ADAM20: variants seen among roughly 807,000 people sequenced by gnomAD.
ADAM20 encodes ADAM metallopeptidase domain 20.
For missense variants in ADAM20, 871 were observed against 883.2 expected, an observed-to-expected ratio of 0.99 and a Z score of 0.18; for synonymous variants, 305 against 310.2, an observed-to-expected ratio of 0.98 and a Z score of 0.18.
At chr14:70,530,661 A>G (rs1443326009) in intron 1 of ADAM20, among the ~76,000 whole-genome samples, 1 of 152,190 alleles carries the variant, frequency 6.6e-6, no homozygotes, top group Non-Finnish European at 1.5e-5. Context: ...ATATGAGACC[A>G]CTGTCATATA....
chr14:70,555,406 CT>C, the ADAM20 span, among the ~76,000 whole-genome samples: 1 of 152,106 alleles, frequency 6.6e-6, no homozygotes, highest in Non-Finnish European at 1.5e-5. Context: ...ACAATTTTAA[CT>C]GTCAATTTTT....
Position 70,524,877 on chromosome 14 carries a change from G to A in ADAM20, c.-120C>T. 1 of 1,612,182 alleles carries A rather than the reference G, an allele frequency of 6.2e-7. No individual in the cohort carries two copies. The highest frequency in any genetic ancestry group is 8.5e-7 in the Non-Finnish European group (1 of 1,179,564). Reference sequence around the variant, plus strand: ...GTGCATGGCTGACCTTTAGGGATCTGGGGATCTGTGTCCTGGTGGAGCTGG... The same window carrying A: ...GTGCATGGCTGACCTTTAGGGATCTAGGGATCTGTGTCCTGGTGGAGCTGG... On this transcript the variant is annotated 5_prime_UTR_variant, in exon 2 of 2. The change creates a premature stop within an existing upstream ORF in the 5' untranslated region. Transcript: ENST00000256389.
chr14:70,575,237 C>T, the ADAM20 span, among the ~76,000 whole-genome samples: 2 of 151,732 alleles, frequency 1.3e-5, no homozygotes, highest in African/African-American at 4.8e-5. Flanking sequence ...CTCGGTCACT[C>T]AGGTTGCAAT....
chr14:70,531,346 A>G (rs8011142), intron 1 of ADAM20, among the ~76,000 whole-genome samples: 1,629 of 152,246 alleles, frequency 0.011, 17 homozygotes, highest in African/African-American at 0.037. Context: ...TTCTAGGAAT[A>G]CAAGAAAATG....
chr14:70,525,438 T>A (rs1188224199), intron 1 of ADAM20, among the ~76,000 whole-genome samples: 1 of 152,032 alleles, frequency 6.6e-6, no homozygotes, highest in Admixed American at 6.6e-5. Context: ...CCCAGGCTGG[T>A]CTCAAACTCC....
the ADAM20 span, among the ~76,000 whole-genome samples, chr14:70,564,370 G>A: frequency 6.6e-6 from 1 of 152,226 alleles, no homozygotes; most frequent in Non-Finnish European, 1.5e-5. Flanking sequence ...GCCTGGGACA[G>A]TTAAATGACT....
At chr14:70,541,967 A>G in the ADAM20 span, among the ~76,000 whole-genome samples, 1 of 151,966 alleles carries the variant, frequency 6.6e-6, no homozygotes, top group Admixed American at 6.5e-5. Flanking sequence ...ACTGCTGTGA[A>G]GCTCTAACAG....
At chr14:70,534,495 G>A (rs1595024043) in intron 1 of ADAM20, among the ~76,000 whole-genome samples, 1 of 152,082 alleles carries the variant, frequency 6.6e-6, no homozygotes, top group African/African-American at 2.4e-5. Context: ...CCCAAAAAAG[G>A]AAGGAAATCC....
the ADAM20 span, among the ~76,000 whole-genome samples, chr14:70,579,228 G>A: frequency 2.0e-5 from 3 of 152,002 alleles, no homozygotes; most frequent in Non-Finnish European, 4.4e-5. Context: ...GGTCGAATGG[G>A]ACTTCTATTT....
chr14:70,572,264 G>A, the ADAM20 span, among the ~76,000 whole-genome samples: 1 of 152,044 alleles, frequency 6.6e-6, no homozygotes, highest in Non-Finnish European at 1.5e-5. Context: ...TAGATGAATG[G>A]AATAGAATAG....
upstream of ADAM20, among the ~76,000 whole-genome samples, chr14:70,539,638 T>C (rs1883905157): frequency 6.6e-6 from 1 of 152,356 alleles, no homozygotes; most frequent in South Asian, 2.1e-4. Context: ...GATTAATATC[T>C]TGCTAATCAT....
the ADAM20 span, among the ~76,000 whole-genome samples, chr14:70,569,076 C>A: frequency 1.3e-5 from 2 of 152,112 alleles, no homozygotes; most frequent in Admixed American, 6.5e-5. Context: ...TAACAGCAGA[C>A]TTCTCAGCAG....
chr14:70,576,775 T>C, the ADAM20 span, among the ~76,000 whole-genome samples: 4 of 152,268 alleles, frequency 2.6e-5, no homozygotes, highest in South Asian at 8.3e-4. Flanking sequence ...TAGCAGGTAT[T>C]AGCAGTGCCC....
At chr14:70,564,501 A>C in the ADAM20 span, among the ~76,000 whole-genome samples, 5 of 152,282 alleles carry the variant, frequency 3.3e-5, no homozygotes, top group African/African-American at 9.6e-5. Flanking sequence ...CATATAAGAA[A>C]CATGAAGAAT....
At chr14:70,531,847 AAAG>A (rs1244344358) in intron 1 of ADAM20, among the ~76,000 whole-genome samples, 3 of 152,116 alleles carry the variant, frequency 2.0e-5, no homozygotes, top group Admixed American at 6.5e-5. Context: ...GAAAAAAATT[AAAG>A]AAGACATAAA....
the ADAM20 span, among the ~76,000 whole-genome samples, chr14:70,568,313 A>C: frequency 1.3e-5 from 2 of 152,224 alleles, no homozygotes; most frequent in Non-Finnish European, 2.9e-5. Context: ...CCAATAAATG[A>C]AACAAAAAGA....
upstream of ADAM20, among the ~76,000 whole-genome samples, chr14:70,537,149 A>G (rs1276109266): frequency 1.3e-5 from 2 of 152,024 alleles, no homozygotes; most frequent in African/African-American, 4.8e-5. Context: ...ATCCCGCTGG[A>G]TCCTGAGAGT....
the ADAM20 span, among the ~76,000 whole-genome samples, chr14:70,546,004 T>C: frequency 1.3e-5 from 2 of 152,230 alleles, no homozygotes; most frequent in Middle Eastern, 3.4e-3. Context: ...ATCAAATATC[T>C]CCTCTGACAA....
At position 70,522,461 on chromosome 14, in the gene ADAM20, G is replaced by C; in HGVS notation, c.*116C>G. 9.3e-7 allele frequency: 1 copy of C among 1,073,458 alleles called. No individual in the cohort carries two copies. The highest frequency in any genetic ancestry group is 1.3e-6 in the Non-Finnish European group (1 of 767,080). The allele number at this position is 1,073,458 out of a possible 1,614,324, so 66.5% of individuals were successfully genotyped here. ...TAGCTAATGCTTGCAATCCTGACAT[G>C]AAATGTCCATGAAGTTTTATTTAAA... On this transcript the variant is annotated 3_prime_UTR_variant, in exon 2 of 2. Coordinates refer to ENST00000256389, the MANE Select transcript of ADAM20 (RefSeq NM_003814.5).
Sources: gnomAD v4.1 joint callset for allele counts (sites outside exome capture counted in the v4.1 genomes callset) on GRCh38, gnomAD v4.1.1 for gene constraint, MANE v1.5 for transcripts, NCBI Gene and HGNC (gene_info 2026-07-23, HGNC 2026-07-21) for gene names.